The following KIRREL3 variants were observed in gnomAD, a reference collection of about 807,000 sequenced individuals.
KIRREL3 encodes the protein kirre like nephrin family adhesion molecule 3.
Under a neutral mutation model 89.7 loss-of-function variants are expected in KIRREL3, and 36 were observed. The ratio of observed to expected loss-of-function variants is 0.40; its 90% CI spans 0.31 to 0.53. The LOEUF (loss-of-function observed/expected upper bound fraction) is 0.53, where lower values mean the gene tolerates loss of function less well. Ranked by LOEUF, KIRREL3 falls within the 20% of genes least tolerant of loss-of-function variation. KIRREL3 has a pLI of 0.49. For synonymous variants in KIRREL3, 445 were observed against 441.4 expected (o/e 1.01, Z -0.10); for missense variants, 864 against 1,056.6 (o/e 0.82, Z 2.53).
Position 126,696,869 on chromosome 11 carries a change from T to C in KIRREL3, c.56-133957A>G, listed in dbSNP as rs542870848. ...TTACATCCAGACACTACTGTACCAC[T>C]TGCTTTCCGGGCAGATTATCTTCCC... On this transcript the variant is annotated intron_variant, in intron 1 of 16. Transcript: ENST00000525144. This position sits in a 1 kb window ranked among gnomAD's most constrained non-coding sequence, Gnocchi z 4.4. Among the ~76,000 whole-genome samples the C allele has an allele frequency of 6.6e-6, 1 of 152,310 alleles. No homozygotes were observed. Among genetic ancestry groups the C allele is most frequent in the South Asian group, 2.1e-4 (1 of 4,826 alleles).
chr11:126,545,245 A>T (rs978510102), intron 2 of KIRREL3, among the ~76,000 whole-genome samples: 1 of 152,180 alleles, frequency 6.6e-6, no homozygotes, highest in South Asian at 2.1e-4. Context: ...AGAGATTTGC[A>T]GAGATAGTGG....
chr11:126,514,874 C>CAACAA (rs869201367), intron 4 of KIRREL3, among the ~76,000 whole-genome samples: 219 of 139,280 alleles, frequency 1.6e-3, no homozygotes, highest in African/African-American at 6.5e-3. Flanking sequence ...CAACAAAACA[C>CAACAA]AATTGTCATC....
At chr11:126,770,741 T>A (rs1949994573) in intron 1 of KIRREL3, among the ~76,000 whole-genome samples, 1 of 152,178 alleles carries the variant, frequency 6.6e-6, no homozygotes, top group Non-Finnish European at 1.5e-5. Flanking sequence ...CCTGAAGCCC[T>A]TTCCTTGGCT....
chr11:126,445,520 G>A (rs1429580073), intron 9 of KIRREL3, among the ~76,000 whole-genome samples: 1 of 152,174 alleles, frequency 6.6e-6, no homozygotes, highest in Non-Finnish European at 1.5e-5. Flanking sequence ...TTCTCTGGGG[G>A]CTCCTGGACC....
chr11:126,973,716 A>G (rs1415494507), intron 1 of KIRREL3, among the ~76,000 whole-genome samples: 1 of 152,216 alleles, frequency 6.6e-6, no homozygotes, highest in Non-Finnish European at 1.5e-5. Flanking sequence ...GAATAATAAT[A>G]CTTTTTACAG....
intron 1 of KIRREL3, among the ~76,000 whole-genome samples, chr11:126,828,243 CCCCCTAGAGGGCACATT>C (rs1195229527): frequency 6.6e-6 from 1 of 152,192 alleles, no homozygotes; most frequent in Non-Finnish European, 1.5e-5. Context: ...CCAACGCCCA[CCCCCTAGAGGGCACATT>C]CTTTTCCCTA....
intron 1 of KIRREL3, among the ~76,000 whole-genome samples, chr11:126,785,259 A>G (rs1449144035): frequency 6.6e-6 from 1 of 152,096 alleles, no homozygotes; most frequent in Non-Finnish European, 1.5e-5. Context: ...GTGTCTCCTT[A>G]TGGAAATATC....
Position 126,614,423 on chromosome 11 carries a change from G to A in KIRREL3, c.56-51511C>T, listed in dbSNP as rs921095790. 1.3e-5 allele frequency among the ~76,000 whole-genome samples: 2 copies of A among 152,174 alleles called. No individual in the cohort carries two copies. The highest frequency in any genetic ancestry group is 2.9e-5 in the Non-Finnish European group (2 of 68,026). On this transcript the variant is annotated intron_variant, in intron 1 of 16. Transcript: ENST00000525144. This position sits in a 1 kb window ranked among gnomAD's most constrained non-coding sequence, Gnocchi z 4.6. ...GCAAAAGGAAAGGTTGAACTAAGAT[G>A]GATGGGTTTTAATCTTAGCTGCGTA...
rs1055880626 is a variant in KIRREL3, at chr11:126,796,058, A to C, written c.55+204397T>G. 6.6e-6 allele frequency among the ~76,000 whole-genome samples: 1 copy of C among 152,200 alleles called. No homozygotes were observed. Among genetic ancestry groups the C allele is most frequent in the Admixed American group, 6.5e-5 (1 of 15,280 alleles). ...CATGTCTTCATTTAAATTGTTATTT[A>C]GACTAACCTTTCAATGGGACACGTT... On this transcript the variant is annotated intron_variant, in intron 1 of 16. Coordinates refer to ENST00000525144, the MANE Select transcript of KIRREL3 (RefSeq NM_032531.4). This position sits in a 1 kb window ranked among gnomAD's most constrained non-coding sequence, Gnocchi z 5.1.
chr11:126,603,982 A>G (rs779791274), intron 1 of KIRREL3, among the ~76,000 whole-genome samples: 8 of 152,224 alleles, frequency 5.3e-5, no homozygotes, highest in Admixed American at 5.2e-4. Flanking sequence ...ATGGCCAATC[A>G]GCCAAAGAAT....
intron 1 of KIRREL3, among the ~76,000 whole-genome samples, chr11:126,718,882 C>T (rs146668953): frequency 4.3e-4 from 66 of 152,266 alleles, no homozygotes; most frequent in African/African-American, 1.5e-3. Context: ...AAGCCAAGCC[C>T]TCCTCTCTGA....
At chr11:126,691,160 G>C (rs1187700463) in intron 1 of KIRREL3, among the ~76,000 whole-genome samples, 1 of 152,156 alleles carries the variant, frequency 6.6e-6, no homozygotes, top group African/African-American at 2.4e-5. Flanking sequence ...GTTGGAGGGA[G>C]TGTGGATCTG....
rs116567554 is a variant in KIRREL3, at chr11:126,905,038, C to A, written c.55+95417G>T. Reference sequence around the variant, plus strand: ...AATGCTTCAGAGGGGAGAGACATTTCAAGAGACTGGGTCATTCCCTGGTTT... The same window carrying A: ...AATGCTTCAGAGGGGAGAGACATTTAAAGAGACTGGGTCATTCCCTGGTTT... On this transcript the variant is annotated intron_variant, in intron 1 of 16. Coordinates refer to ENST00000525144, the MANE Select transcript of KIRREL3 (RefSeq NM_032531.4). This position sits in a 1 kb window ranked among gnomAD's most constrained non-coding sequence, Gnocchi z 5.0. Among the ~76,000 whole-genome samples, 884 of 152,222 alleles carry A rather than the reference C, an allele frequency of 5.8e-3. 6 individuals carry two copies. Among genetic ancestry groups the A allele is most frequent in the African/African-American group, 0.02 (815 of 41,510 alleles).
At chr11:126,599,075 C>T (rs650988) in intron 1 of KIRREL3, among the ~76,000 whole-genome samples, 57,826 of 152,066 alleles carry the variant, frequency 0.38, 11,598 homozygotes, top group South Asian at 0.48. Flanking sequence ...CTTTTCCTGG[C>T]TTGCCCAGGC....
intron 1 of KIRREL3, among the ~76,000 whole-genome samples, chr11:126,888,831 C>A (rs181949319): frequency 2.9e-4 from 44 of 152,198 alleles, no homozygotes; most frequent in African/African-American, 1.1e-3. Flanking sequence ...GAGATGAAAC[C>A]CATTTGTGAG....
intron 5 of KIRREL3, among the ~76,000 whole-genome samples, chr11:126,470,882 G>T (rs112296590): frequency 0.053 from 8,034 of 152,278 alleles, 226 homozygotes; most frequent in Middle Eastern, 0.13. Context: ...AAAGAGGTTG[G>T]CCCAGGTATA....
intron 1 of KIRREL3, among the ~76,000 whole-genome samples, chr11:126,945,756 G>T (rs1416144595): frequency 6.6e-6 from 1 of 152,190 alleles, no homozygotes; most frequent in East Asian, 1.9e-4. Context: ...TCATCCTAAC[G>T]TTGACAACAA....
At chr11:126,798,990 T>A (rs12223974) in intron 1 of KIRREL3, among the ~76,000 whole-genome samples, 34,364 of 151,950 alleles carry the variant, frequency 0.23, 4,525 homozygotes, top group East Asian at 0.46. Context: ...CAAGTGTGAG[T>A]GTGTGTATCA....
At chr11:126,690,097 G>A (rs149274024) in intron 1 of KIRREL3, among the ~76,000 whole-genome samples, 142 of 152,244 alleles carry the variant, frequency 9.3e-4, no homozygotes, top group Non-Finnish European at 1.8e-3. Flanking sequence ...TTTTCCCAGC[G>A]TCAGTCTCTC....
Sources: allele counts gnomAD v4.1 joint callset (sites outside exome capture counted in the v4.1 genomes callset), GRCh38; gene constraint gnomAD v4.1.1; non-coding constraint Gnocchi (gnomAD v3.1); transcripts MANE v1.5; gene names NCBI Gene and HGNC (gene_info 2026-07-23, HGNC 2026-07-21).